The following EFCAB5 variants were observed in gnomAD, a reference collection of about 807,000 sequenced individuals.
EFCAB5 encodes EF-hand calcium-binding domain-containing protein 5.
A neutral mutation model predicts 167.9 loss-of-function variants in EFCAB5; 131 were observed. The observed-to-expected ratio is 0.78, with a 90% CI of 0.68 to 0.90. The LOEUF (loss-of-function observed/expected upper bound fraction) is 0.90. Ranked by LOEUF, EFCAB5 falls within the 40% of genes least tolerant of loss-of-function variation. The probability of loss-of-function intolerance (pLI) is 0.00; values close to 1 mark genes in which losing one functional copy is unlikely to be tolerated. For synonymous variants in EFCAB5, 574 were observed against 602.8 expected, an observed-to-expected ratio of 0.95 and a Z score of 0.70; for missense variants, 1,663 against 1,745.2, an observed-to-expected ratio of 0.95 and a Z score of 0.84.
chr17:29,948,069 G>A (rs183881178), intron 3 of EFCAB5, among the ~76,000 whole-genome samples: 2 of 151,998 alleles, frequency 1.3e-5, no homozygotes, highest in African/African-American at 2.4e-5. Flanking sequence ...CAGGTGATCC[G>A]CCCACCTCGG....
At chr17:30,015,048 G>T (rs997784740) in intron 7 of EFCAB5, among the ~76,000 whole-genome samples, 1 of 152,146 alleles carries the variant, frequency 6.6e-6, no homozygotes, top group East Asian at 1.9e-4. Context: ...TATTTCTCCT[G>T]CACTTATGAA....
chr17:30,070,180 G>T (rs1411451686), intron 14 of EFCAB5, among the ~76,000 whole-genome samples: 1 of 151,680 alleles, frequency 6.6e-6, no homozygotes, highest in Non-Finnish European at 1.5e-5. Flanking sequence ...TTATAGAAAA[G>T]AAAATTCACA....
chr17:30,083,149 G>A (rs2071023656), intron 18 of EFCAB5, 106 bp downstream of exon 18: 1 of 1,373,014 alleles, frequency 7.3e-7, no homozygotes, highest in Admixed American at 2.9e-5. Flanking sequence ...TAGTCTAAAG[G>A]AAGACAGATT....
chr17:30,080,121 T>C lies in EFCAB5; in HGVS notation c.3077T>C (p.Leu1026Ser), dbSNP rs556500891. Residue 1026 changes from leucine (L) to serine (S), a missense_variant, in exon 16 of 23, where the codon TTA (leucine) becomes TCA (serine). Coordinates refer to ENST00000394835, the MANE Select transcript of EFCAB5 (RefSeq NM_198529.4). ...AAGATCAGTGCTCACATTTCCCTCT[T>C]AGAAGAAAACCTACTACTGCCTGAG... ...NKKISAHISL[L>S]EENLLLPEKG... The C allele has an allele frequency of 1.9e-6, 3 of 1,613,666 alleles. No individual in the cohort carries two copies. In the East Asian group the frequency reaches 6.7e-5, roughly 36 times the overall value.
At chr17:30,027,302 T>C (rs2151723059) in intron 7 of EFCAB5, among the ~76,000 whole-genome samples, 1 of 148,742 alleles carries the variant, frequency 6.7e-6, no homozygotes, top group East Asian at 2.0e-4. Flanking sequence ...TCTTTTTTTT[T>C]TTTTTTTTTT....
chr17:29,931,237 AAC>A (rs959011010), intron 1 of EFCAB5, among the ~76,000 whole-genome samples: 5 of 152,324 alleles, frequency 3.3e-5, no homozygotes, highest in East Asian at 1.9e-4. Flanking sequence ...AGCTGTAGAA[AAC>A]ACACACACTT....
intron 22 of EFCAB5, among the ~76,000 whole-genome samples, chr17:30,093,438 C>CA (rs1208359760): frequency 6.6e-6 from 1 of 152,166 alleles, no homozygotes; most frequent in Non-Finnish European, 1.5e-5. Flanking sequence ...CCAGAGGCCT[C>CA]AGGCTGTGAT....
chr17:30,064,106 C>CA (rs2070498180), intron 14 of EFCAB5, among the ~76,000 whole-genome samples: 1 of 152,126 alleles, frequency 6.6e-6, no homozygotes, highest in African/African-American at 2.4e-5. Context: ...ACACAAGAAA[C>CA]ATGATAAAGC....
At position 30,053,570 on chromosome 17, in the gene EFCAB5, A is replaced by G. The variant is rs1693817921; in HGVS notation, c.1616A>G (p.Tyr539Cys). 1.9e-6 allele frequency: 3 copies of G among 1,613,978 alleles called. No homozygotes were observed. Among genetic ancestry groups the G allele is most frequent in the Non-Finnish European group, 2.5e-6 (3 of 1,179,874 alleles). ...GKKPTAEQEL[Y>C]IESVIEPGTH... ...AAGCCAACTGCAGAGCAAGAACTGTACATAGAATCAGTAATAGAACCAGGA... is the reference window on the plus strand; with the variant it reads ...AAGCCAACTGCAGAGCAAGAACTGTGCATAGAATCAGTAATAGAACCAGGA... The change falls in exon 10 of 23, where the codon TAC (tyrosine) becomes TGC (cysteine). Residue 539 changes from tyrosine (Y) to cysteine (C), a missense_variant. Physicochemically the swap from Tyr to Cys is radical, Grantham distance 194. Transcript: ENST00000394835.
At chr17:30,004,264 T>G (rs1371262240) in intron 7 of EFCAB5, among the ~76,000 whole-genome samples, 2 of 152,244 alleles carry the variant, frequency 1.3e-5, no homozygotes, top group East Asian at 3.8e-4. Context: ...ACTTGGGATC[T>G]TATTTGCATC....
chr17:29,991,245 A>T (rs1220072555), intron 4 of EFCAB5, among the ~76,000 whole-genome samples: 1 of 152,098 alleles, frequency 6.6e-6, no homozygotes, highest in Non-Finnish European at 1.5e-5. Flanking sequence ...AGCCCCATGT[A>T]TGGGCGCCAT....
At chr17:30,062,153 A>G (rs1441053539) in intron 14 of EFCAB5, among the ~76,000 whole-genome samples, 1 of 152,246 alleles carries the variant, frequency 6.6e-6, no homozygotes, top group African/African-American at 2.4e-5. Flanking sequence ...TGGTGACATC[A>G]GCAAGATGGC....
chr17:30,049,835 A>T (rs1043920945), intron 8 of EFCAB5, among the ~76,000 whole-genome samples: 2 of 152,242 alleles, frequency 1.3e-5, no homozygotes, highest in Non-Finnish European at 2.9e-5. Flanking sequence ...AAATGCATAC[A>T]TTATGCAATC....
upstream of EFCAB5, among the ~76,000 whole-genome samples, chr17:29,940,328 T>C (rs1429096032): frequency 6.6e-6 from 1 of 152,128 alleles, no homozygotes; most frequent in Non-Finnish European, 1.5e-5. Context: ...CCACCCGCCT[T>C]GGCCTCCCAA....
intron 17 of EFCAB5, among the ~76,000 whole-genome samples, chr17:30,082,126 T>C (rs570037066): frequency 6.6e-6 from 1 of 152,328 alleles, no homozygotes; most frequent in African/African-American, 2.4e-5. Flanking sequence ...ACTGTGGGTC[T>C]TGGAACCAAA....
intron 8 of EFCAB5, among the ~76,000 whole-genome samples, chr17:30,046,232 C>T (rs2069924379): frequency 6.6e-6 from 1 of 152,114 alleles, no homozygotes. Context: ...TACCTCATTG[C>T]ATATTTGTTG....
Position 29,993,179 on chromosome 17 carries a change from A to AGG in EFCAB5, c.783_784dup (p.Glu262GlyfsTer14). 2 of 1,610,918 alleles carry AGG rather than the reference A, an allele frequency of 1.2e-6. No individual in the cohort carries two copies. The highest frequency in any genetic ancestry group is 1.7e-6 in the Non-Finnish European group (2 of 1,178,434). On this transcript the variant is annotated frameshift_variant, in exon 5 of 23. Coordinates refer to ENST00000394835, the MANE Select transcript of EFCAB5 (RefSeq NM_198529.4). LOFTEE classifies it high-confidence loss of function. Reference sequence around the variant, plus strand: ...ACATCCTGCAGAGTATCCAAGATGAAGGAGAATGTTAAACAGAATAGAAAA... The same window carrying AGG: ...ACATCCTGCAGAGTATCCAAGATGAAGGGGAGAATGTTAAACAGAATAGAAAA...
chr17:30,045,879 A>G (rs994152901), intron 8 of EFCAB5, among the ~76,000 whole-genome samples: 4 of 151,620 alleles, frequency 2.6e-5, no homozygotes, highest in Non-Finnish European at 5.9e-5. Flanking sequence ...ATAAATAAAT[A>G]AATAAATAAA....
chr17:29,958,221 A>T (rs1277238453), intron 3 of EFCAB5, among the ~76,000 whole-genome samples: 2 of 152,094 alleles, frequency 1.3e-5, no homozygotes, highest in East Asian at 3.9e-4. Context: ...TTATCCTTTT[A>T]AATAAACTTT....
Sources: gnomAD v4.1 joint callset for allele counts (sites outside exome capture counted in the v4.1 genomes callset) on GRCh38, gnomAD v4.1.1 for gene constraint, MANE v1.5 for transcripts, NCBI Gene and HGNC (gene_info 2026-07-23, HGNC 2026-07-21) for gene names.